CTNNA2: variants seen among roughly 807,000 people sequenced by gnomAD.
CTNNA2 encodes catenin alpha-2.
Under a neutral mutation model 101.0 loss-of-function variants are expected in CTNNA2, and 42 were observed. That is an observed-to-expected ratio of 0.42 (90% CI 0.32 to 0.54). The LOEUF is 0.54. Ranked by LOEUF, CTNNA2 falls within the 20% of genes least tolerant of loss-of-function variation. CTNNA2 has a pLI of 0.14. For missense variants in CTNNA2, 871 were observed against 1,223.1 expected (o/e 0.71, Z 4.29); for synonymous variants, 450 against 456.4 (o/e 0.99, Z 0.18).
intron 2 of CTNNA2, among the ~76,000 whole-genome samples, chr2:79,670,905 T>C (rs1332085198): frequency 6.6e-6 from 1 of 152,188 alleles, no homozygotes; most frequent in Non-Finnish European, 1.5e-5. Flanking sequence ...TCACTCAAAA[T>C]CAAGACTGTA....
chr2:79,223,505 A>G (rs1379133919), intron 2 of CTNNA2, among the ~76,000 whole-genome samples: 1 of 152,122 alleles, frequency 6.6e-6, no homozygotes, highest in African/African-American at 2.4e-5. Flanking sequence ...TCCCAGTTAG[A>G]CGAAGTAGTT....
chr2:79,687,964 A>G (rs563384664), intron 2 of CTNNA2, among the ~76,000 whole-genome samples: 2 of 152,220 alleles, frequency 1.3e-5, no homozygotes, highest in Non-Finnish European at 2.9e-5. Flanking sequence ...ACAACAAACT[A>G]TAAAGTGAGA....
At chr2:79,543,937 G>A (rs775494149) in intron 1 of CTNNA2, among the ~76,000 whole-genome samples, 2 of 152,000 alleles carry the variant, frequency 1.3e-5, no homozygotes, top group Non-Finnish European at 2.9e-5. Context: ...TAGTCAACAA[G>A]ATCCAGGTTT....
At chr2:79,773,411 AAT>A in intron 3 of CTNNA2, among the ~76,000 whole-genome samples, 1 of 152,300 alleles carries the variant, frequency 6.6e-6, no homozygotes, top group South Asian at 2.1e-4. Context: ...GACATCAATC[AAT>A]ATATGTCTCC....
intron 1 of CTNNA2, among the ~76,000 whole-genome samples, chr2:79,188,935 A>G (rs532018055): frequency 6.6e-6 from 1 of 152,336 alleles, no homozygotes; most frequent in African/African-American, 2.4e-5. Context: ...ACTAGTGCAG[A>G]GATGAACTAT....
chr2:80,198,983 C>A (rs968179128), intron 7 of CTNNA2, among the ~76,000 whole-genome samples: 1 of 151,720 alleles, frequency 6.6e-6, no homozygotes, highest in Admixed American at 6.6e-5. Flanking sequence ...GAGTTCAAGA[C>A]CAACCTAGCC....
At position 79,874,117 on chromosome 2, in the gene CTNNA2, C is replaced by T; in HGVS notation, c.627C>T (p.Ala209=). 1 of 1,614,190 alleles carries T rather than the reference C, an allele frequency of 6.2e-7. No homozygotes were observed. The highest frequency in any genetic ancestry group is 8.5e-7 in the Non-Finnish European group (1 of 1,180,040). Residue 209 remains alanine (A), a synonymous_variant, in exon 6 of 19, where the codon GCC becomes GCT. Transcript: ENST00000402739. ...ACTGTCGGGATGAGATGGCAGCCGCCCGAGGGGCTCTGAAGAAGAATGCCA... is the reference window on the plus strand; with the variant it reads ...ACTGTCGGGATGAGATGGCAGCCGCTCGAGGGGCTCTGAAGAAGAATGCCA... ...DPHCRDEMAA[A]RGALKKNATM... is the part of the protein sequence containing the mutation.
At chr2:80,160,493 C>A (rs1285096621) in intron 7 of CTNNA2, among the ~76,000 whole-genome samples, 1 of 152,120 alleles carries the variant, frequency 6.6e-6, no homozygotes, top group African/African-American at 2.4e-5. Flanking sequence ...TTTCAGCCAA[C>A]AAATTCTGTG....
chr2:80,000,338 G>T (rs1370924177), intron 7 of CTNNA2, among the ~76,000 whole-genome samples: 2 of 152,120 alleles, frequency 1.3e-5, no homozygotes, highest in Non-Finnish European at 2.9e-5. Context: ...AGTATTTGCA[G>T]TTTCTGACAA....
At chr2:79,849,848 C>T (rs1280720915) in intron 3 of CTNNA2, among the ~76,000 whole-genome samples, 5 of 152,066 alleles carry the variant, frequency 3.3e-5, no homozygotes, top group African/African-American at 1.2e-4. Context: ...TTTCTCCCTG[C>T]TTCAGTATCA....
intron 1 of CTNNA2, among the ~76,000 whole-genome samples, chr2:79,524,504 T>C (rs982658685): frequency 6.6e-6 from 1 of 151,448 alleles, no homozygotes; most frequent in African/African-American, 2.4e-5. Context: ...CTCTTTTATA[T>C]GTTAAGAGTT....
intron 1 of CTNNA2, among the ~76,000 whole-genome samples, chr2:79,542,113 C>G (rs1007099173): frequency 6.6e-6 from 1 of 151,532 alleles, no homozygotes; most frequent in Admixed American, 6.6e-5. Context: ...CCTTTTAGCC[C>G]GAAAGTAGTA....
intron 3 of CTNNA2, among the ~76,000 whole-genome samples, chr2:79,837,736 A>G (rs1370665471): frequency 6.6e-6 from 1 of 152,064 alleles, no homozygotes; most frequent in East Asian, 1.9e-4. Flanking sequence ...ATTGTTAGAA[A>G]GTAGAAAGTG....
chr2:80,513,169 G>A (rs1447696334), intron 9 of CTNNA2, among the ~76,000 whole-genome samples: 1 of 152,018 alleles, frequency 6.6e-6, no homozygotes, highest in African/African-American at 2.4e-5. Context: ...ACCAGAGGGG[G>A]GTCCTACACA....
At position 80,346,672 on chromosome 2, in the gene CTNNA2, A is replaced by G. The variant is rs374529795; in HGVS notation, c.1057-46539A>G. ...TATTGATAAGGGGTTCAGTTTGATCATGATGCATTTCCAAAGCTCCCTTTC... is the reference window on the plus strand; with the variant it reads ...TATTGATAAGGGGTTCAGTTTGATCGTGATGCATTTCCAAAGCTCCCTTTC... On this transcript the variant is annotated intron_variant, in intron 7 of 18. Transcript: ENST00000402739. 7.6e-3 allele frequency among the ~76,000 whole-genome samples: 1,153 copies of G among 152,292 alleles called. 18 individuals carry two copies. The highest frequency in any genetic ancestry group is 0.027 in the African/African-American group (1,102 of 41,568).
At chr2:80,191,008 T>A in intron 7 of CTNNA2, among the ~76,000 whole-genome samples, 1 of 152,282 alleles carries the variant, frequency 6.6e-6, no homozygotes, top group East Asian at 1.9e-4. Context: ...GCTGTTCTAG[T>A]GTTTTGACCG....
chr2:79,863,587 A>G (rs1681803363), intron 4 of CTNNA2, among the ~76,000 whole-genome samples: 1 of 152,176 alleles, frequency 6.6e-6, no homozygotes, highest in African/African-American at 2.4e-5. Context: ...TTAAACAGGG[A>G]ACATTTAAAT....
chr2:79,933,107 T>C (rs998703814), intron 7 of CTNNA2, among the ~76,000 whole-genome samples: 5 of 152,232 alleles, frequency 3.3e-5, no homozygotes, highest in Admixed American at 2.0e-4. Context: ...CATTTCATGC[T>C]TTATAGGGTT....
chr2:80,068,735 C>A (rs1351612009), intron 7 of CTNNA2, among the ~76,000 whole-genome samples: 1 of 152,088 alleles, frequency 6.6e-6, no homozygotes, highest in East Asian at 1.9e-4. Context: ...CAGTGACTGG[C>A]CAGTTTGAAA....
Sources: gnomAD v4.1 joint callset for allele counts (sites outside exome capture counted in the v4.1 genomes callset) on GRCh38, gnomAD v4.1.1 for gene constraint, MANE v1.5 for transcripts, NCBI Gene and HGNC (gene_info 2026-07-23, HGNC 2026-07-21) for gene names.